The following TBCK variants were observed in gnomAD, a reference collection of about 807,000 sequenced individuals.
The protein encoded by TBCK is TBC domain-containing protein kinase-like protein.
A neutral mutation model predicts 113.4 loss-of-function variants in TBCK; 99 were observed. That is an observed-to-expected ratio of 0.87 (90% CI 0.74 to 1.03). The LOEUF is 1.03. Ranked by LOEUF, TBCK falls within the 50% of genes least tolerant of loss-of-function variation. The pLI, the probability that TBCK is intolerant of heterozygous loss-of-function variation, is 0.00. For missense variants in TBCK, 1,045 were observed against 1,061.3 expected, an observed-to-expected ratio of 0.98 and a Z score of 0.21; for synonymous variants, 369 against 370.8, an observed-to-expected ratio of 1.00 and a Z score of 0.05.
chr4:106,140,993 G>C lies in TBCK; in HGVS notation c.2236-24615C>G, dbSNP rs904640205. On this transcript the variant is annotated intron_variant, in intron 23 of 25. Transcript: ENST00000394708. ...TTTAGTTCCTATTGAATACCAGACA[G>C]TGTGTTGATAAGATATATGATAAAA... is the stretch of plus-strand genomic sequence containing the variant. Among the ~76,000 whole-genome samples the C allele has an allele frequency of 1.6e-4, 22 of 140,632 alleles. 1 individual carries two copies. Among genetic ancestry groups the C allele is most frequent in the African/African-American group, 5.5e-4 (22 of 40,002 alleles). 92.3% of individuals were successfully genotyped at this position (140,632 alleles called of 152,430 possible).
chr4:106,246,403 C>T (rs1270558439), intron 10 of TBCK, among the ~76,000 whole-genome samples: 1 of 152,016 alleles, frequency 6.6e-6, no homozygotes, highest in Non-Finnish European at 1.5e-5. Context: ...TTCCAAGAGT[C>T]GTAATCTTCA....
At chr4:106,253,193 G>C (rs1386746295) in intron 5 of TBCK, among the ~76,000 whole-genome samples, 1 of 152,002 alleles carries the variant, frequency 6.6e-6, no homozygotes, top group Non-Finnish European at 1.5e-5. Flanking sequence ...CCTAAAAAAT[G>C]TACTGTTTAG....
chr4:106,309,581 C>T (rs1171238798), intron 1 of TBCK, among the ~76,000 whole-genome samples: 1 of 151,950 alleles, frequency 6.6e-6, no homozygotes, highest in Admixed American at 6.6e-5. Flanking sequence ...GGATTACAGG[C>T]GTGAGCCACC....
intron 2 of TBCK, among the ~76,000 whole-genome samples, chr4:106,301,890 C>A (rs1046936240): frequency 1.3e-5 from 2 of 152,098 alleles, no homozygotes; most frequent in Non-Finnish European, 2.9e-5. Context: ...TGGTATTACA[C>A]CATTGAAAAA....
upstream of TBCK, chr4:106,316,632 G>A (rs755163543): frequency 4.5e-6 from 7 of 1,546,934 alleles, no homozygotes; most frequent in Non-Finnish European, 6.1e-6. Flanking sequence ...CTCGGGGATC[G>A]CCGATTGCGA....
At chr4:106,179,037 T>G (rs1752020090) in intron 22 of TBCK, among the ~76,000 whole-genome samples, 1 of 152,056 alleles carries the variant, frequency 6.6e-6, no homozygotes, top group South Asian at 2.1e-4. Flanking sequence ...TTGTTCATAA[T>G]AGTCTCTAAT....
rs768434280 is a variant in TBCK, at chr4:106,295,155, C to A, written c.205G>T (p.Val69Phe). 3 of 1,612,206 alleles carry A rather than the reference C, an allele frequency of 1.9e-6. No homozygotes were observed. The highest frequency in any genetic ancestry group is 2.5e-6 in the Non-Finnish European group (3 of 1,179,318). Residue 69 changes from valine to phenylalanine, a missense_variant, in exon 3 of 26, where the codon GTC becomes TTC. Coordinates refer to ENST00000394708, the MANE Select transcript of TBCK (RefSeq NM_001163435.3). ...CTACGTTCACAATGTTCAGCCACGA[C>A]CACTAGTCGTTCTGAGAAAAACAAA... The part of the protein sequence containing the change: ...ISRGKHERLV[V>F]VAEHCERSLE...
chr4:106,288,942 G>C (rs1025362193), intron 3 of TBCK, among the ~76,000 whole-genome samples: 7 of 152,158 alleles, frequency 4.6e-5, no homozygotes, highest in African/African-American at 1.7e-4. Context: ...CATAAATGAA[G>C]TTCGTGTTTA....
At chr4:106,059,395 A>C (rs1360969616) in intron 25 of TBCK, among the ~76,000 whole-genome samples, 1 of 151,710 alleles carries the variant, frequency 6.6e-6, no homozygotes, top group Non-Finnish European at 1.5e-5. Flanking sequence ...TGCTCACTTC[A>C]TACCTCTAAG....
intron 24 of TBCK, among the ~76,000 whole-genome samples, chr4:106,109,572 T>C (rs527577695): frequency 6.6e-6 from 1 of 152,318 alleles, no homozygotes; most frequent in Non-Finnish European, 1.5e-5. Context: ...TGGCTAGTCA[T>C]ATGCGGAAGA....
intron 22 of TBCK, among the ~76,000 whole-genome samples, chr4:106,184,291 G>A (rs1560779988): frequency 6.6e-6 from 1 of 152,062 alleles, no homozygotes; most frequent in African/African-American, 2.4e-5. Context: ...AAAATATAAG[G>A]AATACTTCCA....
chr4:106,180,987 C>G (rs1752300611), intron 22 of TBCK, among the ~76,000 whole-genome samples: 1 of 152,214 alleles, frequency 6.6e-6, no homozygotes, highest in Non-Finnish European at 1.5e-5. Context: ...CTCCCACCAA[C>G]AGTGTAAAAG....
chr4:106,223,059 C>A (rs58687640), intron 19 of TBCK, among the ~76,000 whole-genome samples: 2,078 of 152,070 alleles, frequency 0.014, 54 homozygotes, highest in African/African-American at 0.047. Context: ...CAGGAAAAAT[C>A]TCCTCAGTCA....
chr4:106,083,350 T>C (rs1032364869), intron 25 of TBCK, among the ~76,000 whole-genome samples: 1 of 134,834 alleles, frequency 7.4e-6, no homozygotes, highest in African/African-American at 2.8e-5. Context: ...GGTCTAACCC[T>C]GACCCACCTT....
At chr4:106,244,904 C>G in intron 10 of TBCK, 140 bp from the exon 11 acceptor site, 1 of 533,596 alleles carries the variant, frequency 1.9e-6, no homozygotes, top group Non-Finnish European at 3.1e-6. Context: ...TTGTAGGGAG[C>G]CTGAAATTTG....
At chr4:106,113,635 C>T (rs961578673) in intron 24 of TBCK, among the ~76,000 whole-genome samples, 1 of 152,104 alleles carries the variant, frequency 6.6e-6, no homozygotes, top group Admixed American at 6.5e-5. Context: ...GAAAATGACC[C>T]TATAGGACCT....
intron 25 of TBCK, among the ~76,000 whole-genome samples, chr4:106,089,677 T>C (rs1739976742): frequency 6.6e-6 from 1 of 152,198 alleles, no homozygotes; most frequent in African/African-American, 2.4e-5. Context: ...TGCATTATCA[T>C]TTGAAAAGGG....
chr4:106,147,633 G>C (rs995083114), intron 23 of TBCK, among the ~76,000 whole-genome samples: 2 of 152,080 alleles, frequency 1.3e-5, no homozygotes, highest in African/African-American at 2.4e-5. Flanking sequence ...GATTTCCTAT[G>C]CCTGTCTTTA....
intron 22 of TBCK, among the ~76,000 whole-genome samples, chr4:106,189,113 T>G (rs1008078718): frequency 6.6e-6 from 1 of 152,248 alleles, no homozygotes; most frequent in Admixed American, 6.5e-5. Flanking sequence ...TCACTTATCC[T>G]TAACTAATTT....
Sources: allele counts gnomAD v4.1 joint callset (sites outside exome capture counted in the v4.1 genomes callset), GRCh38; gene constraint gnomAD v4.1.1; transcripts MANE v1.5; gene names NCBI Gene and HGNC (gene_info 2026-07-23, HGNC 2026-07-21).